HHAT: variants seen among roughly 807,000 people sequenced by gnomAD.
HHAT encodes hedgehog acyltransferase, also known as protein-cysteine N-palmitoyltransferase HHAT.
Under a neutral mutation model 70.8 loss-of-function variants are expected in HHAT, and 47 were observed. That is an observed-to-expected ratio of 0.66 (90% confidence interval 0.53 to 0.85). HHAT has a LOEUF of 0.85. HHAT is among the 40% of genes least tolerant of loss of function. The probability of loss-of-function intolerance (pLI) is 0.00; values close to 1 mark genes in which losing one functional copy is unlikely to be tolerated. For missense variants in HHAT, 609 were observed against 604.8 expected, an observed-to-expected ratio of 1.01 and a Z score of -0.07; for synonymous variants, 228 against 247.6, an observed-to-expected ratio of 0.92 and a Z score of 0.74.
intron 9 of HHAT, among the ~76,000 whole-genome samples, chr1:210,577,984 G>A (rs1028137893): frequency 2.6e-5 from 4 of 151,998 alleles, no homozygotes; most frequent in Non-Finnish European, 5.9e-5. Context: ...TCTGGCTTTG[G>A]TATAGGGTAA....
intron 11 of HHAT, among the ~76,000 whole-genome samples, chr1:210,662,440 C>T (rs1382300774): frequency 2.0e-5 from 3 of 152,142 alleles, no homozygotes; most frequent in Admixed American, 6.5e-5. Context: ...TGCTAGGCAG[C>T]GTCCACTGTG....
In HHAT at chr1:210,400,537, G is replaced by C; in HGVS notation, c.343G>C (p.Ala115Pro). 1 of 1,614,074 alleles carries C rather than the reference G, an allele frequency of 6.2e-7. No individual in the cohort carries two copies. Among genetic ancestry groups the C allele is most frequent in the African/African-American group, 1.3e-5 (1 of 75,008 alleles). ...GTGTGTGCTGGGGACCCCTGGTGTG[G>C]CTATGGTTTTGCTCCATACCACCAT... ...CWCVLGTPGV[A>P]MVLLHTTISF... is the part of the protein sequence containing the mutation. The change falls in exon 5 of 12, where the codon GCT becomes CCT. Residue 115 changes from alanine (A) to proline (P), a missense_variant. Transcript: ENST00000261458.
At chr1:210,445,459 T>G (rs552770236) in intron 7 of HHAT, among the ~76,000 whole-genome samples, 13 of 152,234 alleles carry the variant, frequency 8.5e-5, no homozygotes, top group Non-Finnish European at 1.8e-4. Flanking sequence ...TTTTTACTAG[T>G]TTTAAGGTAT....
At chr1:210,526,239 C>G (rs1027110770) in intron 9 of HHAT, among the ~76,000 whole-genome samples, 3 of 152,136 alleles carry the variant, frequency 2.0e-5, no homozygotes, top group African/African-American at 7.2e-5. Context: ...TGAGTCCCCA[C>G]TGGAGCAGTG....
intron 10 of HHAT, among the ~76,000 whole-genome samples, chr1:210,605,596 A>G (rs1252033390): frequency 6.6e-6 from 1 of 152,242 alleles, no homozygotes; most frequent in Non-Finnish European, 1.5e-5. Flanking sequence ...TGTTAACAGT[A>G]GCCTTATAGG....
intron 3 of HHAT, among the ~76,000 whole-genome samples, chr1:210,386,892 A>G (rs1572074415): frequency 6.6e-6 from 1 of 152,178 alleles, no homozygotes; most frequent in Admixed American, 6.5e-5. Flanking sequence ...TGTACCTTTC[A>G]TTCCTTCATT....
In HHAT at chr1:210,587,380, C is replaced by T. The variant is rs1022767847; in HGVS notation, c.1044-518C>T. ...CATCAGATCTCGTGTGAGACTTATT[C>T]GCTATCATGAGAACAGCATAGGAAA... On this transcript the variant is annotated intron_variant, in intron 9 of 11. Coordinates refer to ENST00000261458, the MANE Select transcript of HHAT (RefSeq NM_018194.6). Among the ~76,000 whole-genome samples the T allele has an allele frequency of 9.9e-5, 15 of 152,224 alleles. No homozygotes were observed. In the South Asian group the frequency reaches 2.1e-3, roughly 21 times the overall value.
chr1:210,524,293 G>C (rs2095212072), intron 9 of HHAT, among the ~76,000 whole-genome samples: 1 of 152,194 alleles, frequency 6.6e-6, no homozygotes. Context: ...ACCCAAGTAA[G>C]CAAGCACTGT....
intron 11 of HHAT, among the ~76,000 whole-genome samples, chr1:210,639,072 A>T (rs1339663317): frequency 6.6e-6 from 1 of 152,166 alleles, no homozygotes; most frequent in African/African-American, 2.4e-5. Flanking sequence ...TTAAAAGATA[A>T]TTGATCCGAT....
At chr1:210,502,974 T>C (rs923302649) in intron 8 of HHAT, among the ~76,000 whole-genome samples, 2 of 60,984 alleles carry the variant, frequency 3.3e-5, no homozygotes, top group Non-Finnish European at 9.7e-5. Context: ...CTGAAGATAT[T>C]TTTTTTTTTT....
chr1:210,655,424 C>T (rs1291610067), intron 11 of HHAT, among the ~76,000 whole-genome samples: 2 of 152,160 alleles, frequency 1.3e-5, no homozygotes, highest in Non-Finnish European at 2.9e-5. Context: ...GCAGATCAGC[C>T]AGTGAAGAGG....
chr1:210,434,466 C>T (rs996462430), intron 7 of HHAT, among the ~76,000 whole-genome samples: 1 of 151,802 alleles, frequency 6.6e-6, no homozygotes, highest in African/African-American at 2.4e-5. Context: ...CGAGTTCAAA[C>T]AAGGTTTAAG....
chr1:210,421,299 A>G (rs772641065), intron 7 of HHAT, among the ~76,000 whole-genome samples: 3 of 152,196 alleles, frequency 2.0e-5, no homozygotes, highest in Non-Finnish European at 2.9e-5. Flanking sequence ...ATAGATCAAT[A>G]TAAAAAAATA....
rs749783894 is a variant in HHAT, at chr1:210,674,415, T to C, written c.*36T>C. ...CCCAGGCCAGTCCTTGTTGCTGGCC[T>C]CCAAGGCAAATAGTGCTTCACCCTG... On this transcript the variant is annotated 3_prime_UTR_variant, in exon 12 of 12. Transcript: ENST00000261458. 10 of 1,546,254 alleles carry C rather than the reference T, an allele frequency of 6.5e-6. No individual in the cohort carries two copies. Among genetic ancestry groups the C allele is most frequent in the Admixed American group, 5.0e-5 (3 of 59,832 alleles).
At chr1:210,442,112 G>A (rs1033813633) in intron 7 of HHAT, among the ~76,000 whole-genome samples, 1 of 136,782 alleles carries the variant, frequency 7.3e-6, no homozygotes, top group African/African-American at 2.6e-5. Flanking sequence ...TTGGTTTTTT[G>A]TTCTTGCGAT....
intron 8 of HHAT, among the ~76,000 whole-genome samples, chr1:210,478,783 G>C (rs996591548): frequency 6.6e-5 from 10 of 152,142 alleles, no homozygotes; most frequent in Admixed American, 6.5e-4. Context: ...TGTCATATAT[G>C]CACCTCAAAA....
intron 11 of HHAT, among the ~76,000 whole-genome samples, chr1:210,628,190 G>C (rs72751420): frequency 0.074 from 11,204 of 152,124 alleles, 625 homozygotes; most frequent in Non-Finnish European, 0.11. Context: ...TATTCAAGGG[G>C]GGGTGTTTAT....
intron 3 of HHAT, among the ~76,000 whole-genome samples, chr1:210,368,412 C>T (rs2089225891): frequency 6.6e-6 from 1 of 152,136 alleles, no homozygotes; most frequent in East Asian, 1.9e-4. Flanking sequence ...TTGCCTCAGC[C>T]TCCTGAGTAG....
chr1:210,361,078 AAAG>A (rs2148017381), intron 2 of HHAT, among the ~76,000 whole-genome samples: 1 of 152,308 alleles, frequency 6.6e-6, no homozygotes, highest in Non-Finnish European at 1.5e-5. Context: ...GCACCAAAAA[AAAG>A]AGCTTAAGTT....
Sources: gnomAD v4.1 joint callset for allele counts (sites outside exome capture counted in the v4.1 genomes callset) on GRCh38, gnomAD v4.1.1 for gene constraint, MANE v1.5 for transcripts, NCBI Gene and HGNC (gene_info 2026-07-23, HGNC 2026-07-21) for gene names.